Variants in MUC5B observed in about 807,000 individuals in gnomAD.
The protein encoded by MUC5B is mucin 5B, oligomeric mucus/gel-forming, also known as mucin-5B.
Under a neutral mutation model 376.9 loss-of-function variants are expected in MUC5B, and 116 were observed. The ratio of observed to expected loss-of-function variants is 0.31; its 90% CI spans 0.26 to 0.36. The LOEUF is 0.36. Ranked by LOEUF, MUC5B falls within the 10% of genes least tolerant of loss-of-function variation. MUC5B has a pLI of 1.00. For synonymous variants in MUC5B, 3,517 were observed against 3,390.9 expected, an observed-to-expected ratio of 1.04 and a Z score of -1.29; for missense variants, 7,165 against 7,769.9, an observed-to-expected ratio of 0.92 and a Z score of 2.93.
chr11:1,232,802 C>T (rs1862059717), intron 17 of MUC5B, 32 bp downstream of exon 17: 4 of 1,565,776 alleles, frequency 2.6e-6, no homozygotes, highest in Non-Finnish European at 3.5e-6. Context: ...GGGATGTGTC[C>T]ACACCGCGTG....
In MUC5B at chr11:1,253,697, G is replaced by A. The variant is rs2857472; in HGVS notation, c.15218-395G>A. On this transcript the variant is annotated intron_variant, in intron 33 of 48. Coordinates refer to ENST00000529681, the MANE Select transcript of MUC5B (RefSeq NM_002458.3). The surrounding 1 kb of genome is among the most constrained non-coding windows in gnomAD (Gnocchi z 4.3). The stretch of plus-strand genomic sequence containing the variant: ...TGGGGACTCCAGGTGTCCTTTGGCT[G>A]TGGCTGCATCCCTCCGATCTCTGCC... Among the ~76,000 whole-genome samples, 65,015 of 151,766 alleles carry A rather than the reference G, an allele frequency of 0.43. 14,458 individuals are homozygous for A. Among genetic ancestry groups the A allele is most frequent in the East Asian group, 0.66 (3,404 of 5,136 alleles).
Position 1,249,995 on chromosome 11 carries a change from C to T in MUC5B, c.13115C>T (p.Thr4372Met), listed in dbSNP as rs562392113. 2.9e-4 allele frequency: 472 copies of T among 1,611,532 alleles called. No homozygotes were observed. The highest frequency in any genetic ancestry group is 3.6e-4 in the Non-Finnish European group (423 of 1,178,696). ...ACAGTGCTGACCACGAAGGCCACCA[C>T]GACAAGGGCCACCAGTTCCACGTCC... ...TSTVLTTKAT[T>M]TRATSSTSTP... The change falls in exon 31 of 49, where the codon ACG (threonine) becomes ATG (methionine). Residue 4372 changes from threonine to methionine, a missense_variant. Coordinates refer to ENST00000529681, the MANE Select transcript of MUC5B (RefSeq NM_002458.3).
Position 1,239,016 on chromosome 11 carries a change from C to G in MUC5B, c.3443C>G (p.Pro1148Arg). 2 of 1,570,326 alleles carry G rather than the reference C, an allele frequency of 1.3e-6. No homozygotes were observed. Among genetic ancestry groups the G allele is most frequent in the Non-Finnish European group, 1.7e-6 (2 of 1,158,566 alleles). Reference sequence around the variant, plus strand: ...GGCCTGTGTGTGTCCTGGCGGACTCCGGACACCTGCCGTGAGTCGGGCTCT... The same window carrying G: ...GGCCTGTGTGTGTCCTGGCGGACTCGGGACACCTGCCGTGAGTCGGGCTCT... ...DAGLCVSWRT[P>R]DTCPLFCDFY... The change falls in exon 26 of 49, where the codon CCG becomes CGG. Residue 1148 changes from proline (P) to arginine (R), a missense_variant. Physicochemically the swap from Pro to Arg is moderately radical, Grantham distance 103. Around this residue, in one of 31 missense-constraint regions of MUC5B, gnomAD observed 143 missense variants for 193.2 expected, o/e 0.74. Coordinates refer to ENST00000529681, the MANE Select transcript of MUC5B (RefSeq NM_002458.3).
At chr11:1,239,269 G>A in intron 26 of MUC5B, 169 bp from the exon 27 acceptor site, 1 of 949,462 alleles carries the variant, frequency 1.1e-6, no homozygotes, top group Non-Finnish European at 1.5e-6. Flanking sequence ...GCAGGGCTGG[G>A]GAGTGGAGGG....
Position 1,257,623 on chromosome 11 carries a change from G to C in MUC5B, c.16363G>C (p.Gly5455Arg), listed in dbSNP as rs1450506333. The C allele has an allele frequency of 6.2e-7, 1 of 1,602,356 alleles. No individual in the cohort carries two copies. The highest frequency in any genetic ancestry group is 2.2e-5 in the East Asian group (1 of 44,788). ...QCKPLPCDAQ[G>R]QPPPCNRPGF... ...CAAGCCCCTGCCCTGTGACGCCCAG[G>C]GTCAGCCCCCGCCGTGCAACCGTCC... is the stretch of plus-strand genomic sequence containing the variant. The change falls in exon 41 of 49, where the codon GGT (glycine) becomes CGT (arginine). Residue 5455 changes from glycine (G) to arginine (R), a missense_variant. Gly to Arg is a moderately radical substitution (Grantham distance 125). This residue lies in a region of MUC5B where 842 missense variants were observed against 1,016.9 expected (regional missense o/e 0.83). Coordinates refer to ENST00000529681, the MANE Select transcript of MUC5B (RefSeq NM_002458.3). The surrounding 1 kb of genome is among the most constrained non-coding windows in gnomAD (Gnocchi z 8.9).
rs372999532 is a variant in MUC5B, at chr11:1,250,284, C to A, written c.13404C>A (p.Thr4468=). The change falls in exon 31 of 49, where the codon ACC becomes ACA. Residue 4468 remains threonine (T), a synonymous_variant. Coordinates refer to ENST00000529681, the MANE Select transcript of MUC5B (RefSeq NM_002458.3). ...TVTVPTGSTA[T]ASSTQATAGT... ...CGGTGCCCACCGGATCCACGGCCACCGCCTCCTCCACCCAGGCAACTGCTG... is the reference window on the plus strand; with the variant it reads ...CGGTGCCCACCGGATCCACGGCCACAGCCTCCTCCACCCAGGCAACTGCTG... The A allele has an allele frequency of 6.2e-7, 1 of 1,613,174 alleles. No individual in the cohort carries two copies. Among genetic ancestry groups the A allele is most frequent in the South Asian group, 1.1e-5 (1 of 91,050 alleles).
In MUC5B at chr11:1,247,349, T is replaced by G. The variant is rs190148881; in HGVS notation, c.10469T>G (p.Val3490Gly). Reference protein sequence around the residue: ...GTTHITEPSTVTSHTPAATTS... With the variant: ...GTTHITEPSTGTSHTPAATTS... ...ACCCACATCACAGAGCCTTCCACGG[T>G]GACTTCCCACACCCCAGCAGCAACC... The change falls in exon 31 of 49, where the codon GTG becomes GGG. Residue 3490 changes from valine (V) to glycine (G), a missense_variant. Physicochemically the swap from Val to Gly is moderately radical, Grantham distance 109. Around this residue, in one of 31 missense-constraint regions of MUC5B, gnomAD observed 939 missense variants for 770.6 expected, o/e 1.22. Coordinates refer to ENST00000529681, the MANE Select transcript of MUC5B (RefSeq NM_002458.3). 32,504 of 1,568,532 alleles carry G rather than the reference T, an allele frequency of 0.021. 81 individuals are homozygous for G. The highest frequency in any genetic ancestry group is 0.024 in the Non-Finnish European group (27,712 of 1,148,062).
intron 6 of MUC5B, 86 bp from the exon 7 acceptor site, chr11:1,227,589 T>A: frequency 2.9e-6 from 2 of 682,950 alleles, no homozygotes; most frequent in Non-Finnish European, 2.7e-6. Context: ...GTGGGAGTCC[T>A]CTGGCCTGGG....
At position 1,245,822 on chromosome 11, in the gene MUC5B, C is replaced by T. The variant is rs377387316; in HGVS notation, c.8942C>T (p.Ala2981Val). 2.0e-5 allele frequency: 32 copies of T among 1,613,398 alleles called. No homozygotes were observed. Among genetic ancestry groups the T allele is most frequent in the African/African-American group, 2.7e-5 (2 of 74,648 alleles). Residue 2981 changes from alanine to valine, a missense_variant, in exon 31 of 49, where the codon GCC (alanine) becomes GTC (valine). This residue lies in a region of MUC5B where 939 missense variants were observed against 770.6 expected (regional missense o/e 1.22). Transcript: ENST00000529681. ...AGCACCCCGGCCACCAGCTCTACGG[C>T]CACGCCCTCCTCCACTCCAGGGACG... The part of the protein sequence containing the change: ...CPSTPATSST[A>V]TPSSTPGTTW...
At chr11:1,239,241 G>A in intron 26 of MUC5B, 197 bp from the exon 27 acceptor site, 2 of 898,394 alleles carry the variant, frequency 2.2e-6, no homozygotes, top group African/African-American at 1.7e-5. Context: ...CAGCTCCTAG[G>A]GGACAAGAGT....
chr11:1,240,399 A>T (rs775736749), intron 30 of MUC5B, 24 bp downstream of exon 30: 62 of 1,574,264 alleles, frequency 3.9e-5, no homozygotes, highest in Non-Finnish European at 5.4e-5. Context: ...GGCTCTCCTG[A>T]GGCCCAGTAC....
At chr11:1,229,105 T>C in intron 8 of MUC5B, 65 bp from the exon 9 acceptor site, 2 of 1,461,316 alleles carry the variant, frequency 1.4e-6, no homozygotes, top group Non-Finnish European at 1.8e-6. Flanking sequence ...GGAAGGCGGC[T>C]GGGGCTGACC....
rs755738982 is a variant in MUC5B, at chr11:1,242,814, C to A, written c.5934C>A (p.Thr1978=). The change falls in exon 31 of 49, where the codon ACC becomes ACA. Residue 1978 remains threonine, a synonymous_variant. Transcript: ENST00000529681. ...LRSTATTPTA[T]SVTPIPSSSL... The stretch of plus-strand genomic sequence containing the variant: ...GCACAGCCACCACACCCACAGCTAC[C>A]AGCGTTACACCCATCCCCTCTTCCT... 6 of 1,613,124 alleles carry A rather than the reference C, an allele frequency of 3.7e-6. No homozygotes were observed. Among genetic ancestry groups the A allele is most frequent in the Admixed American group, 1.7e-5 (1 of 59,934 alleles).
rs1262496318 is a variant in MUC5B at position 1,262,167 on chromosome 11, T to C, written c.*559T>C. 3.1e-5 allele frequency: 15 copies of C among 479,774 alleles called. No homozygotes were observed. The Middle Eastern group carries it at 1.0e-3, about 33-fold the overall frequency. 29.7% of individuals were successfully genotyped at this position (479,774 alleles called of 1,614,324 possible). A position where few individuals can be genotyped will look rare whatever the true frequency, so the allele number is the denominator to read the frequency against. ...AGTTTTGCAAATAAACCCTGAGCAT[T>C]GAGTACGTTTCCTGTCCTGACGTCT... On this transcript the variant is annotated 3_prime_UTR_variant, in exon 49 of 49. Coordinates refer to ENST00000529681, the MANE Select transcript of MUC5B (RefSeq NM_002458.3).
In MUC5B at chr11:1,238,970, G is replaced by A. The variant is rs1458063879; in HGVS notation, c.3397G>A (p.Ala1133Thr). The A allele has an allele frequency of 6.4e-7, 1 of 1,571,464 alleles. No homozygotes were observed. The highest frequency in any genetic ancestry group is 8.6e-7 in the Non-Finnish European group (1 of 1,159,178). Reference sequence around the variant, plus strand: ...TTTCTGCACGGCTGTGGCTGCCTACGCCCAGGCCTGCCACGACGCGGGCCT... The same window carrying A: ...TTTCTGCACGGCTGTGGCTGCCTACACCCAGGCCTGCCACGACGCGGGCCT... Reference protein sequence around the residue: ...ECFCTAVAAYAQACHDAGLCV... With the variant: ...ECFCTAVAAYTQACHDAGLCV... Residue 1133 changes from alanine (A) to threonine (T), a missense_variant, in exon 26 of 49, where the codon GCC becomes ACC. Transcript: ENST00000529681.
rs755227381 is a variant in MUC5B, at chr11:1,234,603, C to A, written c.2553C>A (p.Ala851=). The A allele has an allele frequency of 3.8e-6, 6 of 1,567,986 alleles. No homozygotes were observed. The African/African-American group carries it at 6.8e-5, about 18-fold the overall frequency. The stretch of plus-strand genomic sequence containing the variant: ...CGGATGGGAGTGGGGGCTGCATTGC[C>A]GAGGAGGACTGCCCCTGTGTGCACA... The part of the protein sequence containing the change: ...LVSDGSGGCI[A]EEDCPCVHNE... Residue 851 remains alanine (A), a synonymous_variant, in exon 21 of 49, where the codon GCC becomes GCA. Coordinates refer to ENST00000529681, the MANE Select transcript of MUC5B (RefSeq NM_002458.3). This position sits in a 1 kb window ranked among gnomAD's most constrained non-coding sequence, Gnocchi z 6.3.
At chr11:1,233,661 A>G (rs1862086272) in intron 18 of MUC5B, 132 bp from the exon 19 acceptor site, 2 of 832,106 alleles carry the variant, frequency 2.4e-6, no homozygotes, top group Non-Finnish European at 3.9e-6. Context: ...ACACAGCAGC[A>G]GGCACCGTCT....
In MUC5B at chr11:1,243,558, C is replaced by A; in HGVS notation, c.6678C>A (p.His2226Gln). Residue 2226 changes from histidine to glutamine, a missense_variant, in exon 31 of 49, where the codon CAC becomes CAA. By Grantham distance (24) the His-to-Gln change is conservative. Around this residue, in one of 31 missense-constraint regions of MUC5B, gnomAD observed 67 missense variants for 103.0 expected, o/e 0.65. Transcript: ENST00000529681. Reference protein sequence around the residue: ...SATSGILGTTHITEPSTVTSH... With the variant: ...SATSGILGTTQITEPSTVTSH... The stretch of plus-strand genomic sequence containing the variant: ...CCTCGGGCATCTTGGGCACCACCCA[C>A]ATCACAGAGCCTTCCACGGTGACTT... 1 of 1,608,208 alleles carries A rather than the reference C, an allele frequency of 6.2e-7. No individual in the cohort carries two copies. The highest frequency in any genetic ancestry group is 8.5e-7 in the Non-Finnish European group (1 of 1,178,338).
In MUC5B at chr11:1,248,533, C is replaced by T. The variant is rs200531133; in HGVS notation, c.11653C>T (p.Arg3885Cys). 25 of 1,607,670 alleles carry T rather than the reference C, an allele frequency of 1.6e-5. No individual in the cohort carries two copies. Among genetic ancestry groups the T allele is most frequent in the East Asian group, 2.2e-5 (1 of 44,874 alleles). Residue 3885 changes from arginine (R) to cysteine (C), a missense_variant, in exon 31 of 49, where the codon CGC (arginine) becomes TGC (cysteine). Arg to Cys is a radical substitution (Grantham distance 180). Transcript: ENST00000529681. Reference protein sequence around the residue: ...VTPSSSPGTARTPPVWISTTT... With the variant: ...VTPSSSPGTACTPPVWISTTT... ...CCCCTCCTCCAGCCCAGGGACGGCA[C>T]GCACGCCTCCAGTGTGGATCAGCAC...
Sources: gnomAD v4.1 joint callset for allele counts (sites outside exome capture counted in the v4.1 genomes callset) on GRCh38, gnomAD v4.1.1 for gene constraint, gnomAD v4.1.1 regional missense constraint, Gnocchi (gnomAD v3.1) non-coding constraint, MANE v1.5 for transcripts, NCBI Gene and HGNC (gene_info 2026-07-23, HGNC 2026-07-21) for gene names.